Variants in RBFOX1 observed in about 807,000 individuals in gnomAD.
RBFOX1 encodes RNA binding protein fox-1 homolog 1.
RBFOX1 carries 8 observed loss-of-function variants against 57.7 expected under a neutral mutation model. That is an observed-to-expected ratio of 0.14 (90% CI 0.08 to 0.25). The LOEUF is 0.25. RBFOX1 is among the 10% of genes least tolerant of loss of function. The probability of loss-of-function intolerance (pLI) is 1.00; values close to 1 mark genes in which losing one functional copy is unlikely to be tolerated. For missense variants in RBFOX1, 611 were observed against 548.5 expected (o/e 1.11, Z -1.14); for synonymous variants, 326 against 222.4 (o/e 1.47, Z -4.15).
At chr16:6,482,163 A>C (rs2095381368) in intron 2 of RBFOX1, among the ~76,000 whole-genome samples, 1 of 152,250 alleles carries the variant, frequency 6.6e-6, no homozygotes, top group East Asian at 1.9e-4. Context: ...CAAGAAGGAC[A>C]CAGGCAGGAA....
At chr16:5,669,269 C>T (rs1220640686) in intron 3 of RBFOX1, among the ~76,000 whole-genome samples, 1 of 152,120 alleles carries the variant, frequency 6.6e-6, no homozygotes, top group South Asian at 2.1e-4. Flanking sequence ...TGGCCACCCT[C>T]AGCTCCAAAC....
chr16:6,942,696 C>A (rs2078762026), intron 3 of RBFOX1, among the ~76,000 whole-genome samples: 1 of 152,154 alleles, frequency 6.6e-6, no homozygotes, highest in African/African-American at 2.4e-5. Context: ...GAACTTGACA[C>A]TGGGGCATCT....
chr16:6,593,051 G>T (rs1376921598), intron 2 of RBFOX1, among the ~76,000 whole-genome samples: 1 of 152,190 alleles, frequency 6.6e-6, no homozygotes, highest in East Asian at 1.9e-4. Context: ...AGTTAGCTGG[G>T]TGTGGTGGCA....
At chr16:6,949,571 C>T (rs2080265815) in intron 3 of RBFOX1, among the ~76,000 whole-genome samples, 2 of 100,570 alleles carry the variant, frequency 2.0e-5, no homozygotes, top group South Asian at 7.2e-4. Context: ...GGTGTGTCCT[C>T]ACTTGGCCTT....
At chr16:5,424,940 TC>T (rs1342577089) in intron 1 of RBFOX1, among the ~76,000 whole-genome samples, 10,036 of 85,994 alleles carry the variant, frequency 0.12, 1,099 homozygotes, top group East Asian at 0.14. Flanking sequence ...TCTTTCTCTC[TC>T]TTCTTTCTTC....
chr16:5,611,257 G>A (rs1020739205), intron 3 of RBFOX1: 4 of 152,208 alleles, frequency 2.6e-5, no homozygotes, highest in African/African-American at 9.7e-5. Flanking sequence ...GTTTGGCAGT[G>A]GGTTTCATGG....
chr16:6,893,555 C>T (rs536241607), intron 3 of RBFOX1, among the ~76,000 whole-genome samples: 12 of 152,234 alleles, frequency 7.9e-5, no homozygotes, highest in African/African-American at 2.2e-4. Context: ...AAACCAAGTC[C>T]ATGAGCCCCA....
At chr16:7,643,793 A>G (rs907940817) in intron 11 of RBFOX1, among the ~76,000 whole-genome samples, 4 of 152,076 alleles carry the variant, frequency 2.6e-5, no homozygotes, top group Admixed American at 1.3e-4. Flanking sequence ...AATTAGCAGA[A>G]AAGGAACAGG....
intron 1 of RBFOX1, among the ~76,000 whole-genome samples, chr16:6,023,024 T>G (rs1355055359): frequency 1.3e-5 from 2 of 151,756 alleles, no homozygotes; most frequent in African/African-American, 2.4e-5. Context: ...AAGCAGAGAG[T>G]AGAAGGTTGT....
At chr16:6,788,907 T>A in intron 3 of RBFOX1, among the ~76,000 whole-genome samples, 1 of 152,286 alleles carries the variant, frequency 6.6e-6, no homozygotes, top group Admixed American at 6.5e-5. Context: ...CTCTAAGAAC[T>A]CAGCGTCCCC....
At chr16:7,534,533 A>AT (rs1340069264) in intron 5 of RBFOX1, among the ~76,000 whole-genome samples, 3 of 152,110 alleles carry the variant, frequency 2.0e-5, no homozygotes, top group Non-Finnish European at 4.4e-5. Flanking sequence ...AGAATAACTG[A>AT]TCCCAGGAAG....
At chr16:7,298,901 G>A (rs1479807792) in intron 4 of RBFOX1, among the ~76,000 whole-genome samples, 1 of 152,148 alleles carries the variant, frequency 6.6e-6, no homozygotes, top group Non-Finnish European at 1.5e-5. Flanking sequence ...GGTCTCTCAG[G>A]TGGCAGAGAA....
intron 4 of RBFOX1, among the ~76,000 whole-genome samples, chr16:7,229,280 C>T (rs559352105): frequency 3.3e-4 from 50 of 152,290 alleles, no homozygotes; most frequent in Non-Finnish European, 6.3e-4. Flanking sequence ...ACTTTTTCCT[C>T]CTAAGTTGAG....
intron 4 of RBFOX1, among the ~76,000 whole-genome samples, chr16:6,007,902 G>C (rs1567249714): frequency 6.6e-6 from 1 of 152,130 alleles, no homozygotes; most frequent in Non-Finnish European, 1.5e-5. Context: ...ACGCAGTGGA[G>C]AGGAGTATCA....
chr16:7,433,237 C>G lies in RBFOX1; in HGVS notation c.28-84910C>G, dbSNP rs111268831. On this transcript the variant is annotated intron_variant, in intron 4 of 15. Coordinates refer to ENST00000550418, the MANE Select transcript of RBFOX1 (RefSeq NM_018723.4). ...ATGCAAAAAGGTTTTCTTGCCTCTT[C>G]TAGTAAAAACACATAGTGGGCAGAG... Among the ~76,000 whole-genome samples the G allele has an allele frequency of 1.1e-3, 169 of 152,272 alleles. 1 individual carries two copies. Among genetic ancestry groups the G allele is most frequent in the African/African-American group, 3.8e-3 (160 of 41,560 alleles).
intron 2 of RBFOX1, among the ~76,000 whole-genome samples, chr16:5,501,010 C>T (rs2043175000): frequency 6.6e-6 from 1 of 152,022 alleles, no homozygotes; most frequent in South Asian, 2.1e-4. Context: ...TTCAACATTC[C>T]ATGAGCCTGA....
chr16:5,361,453 ACT>A (rs1478510978), intron 1 of RBFOX1, among the ~76,000 whole-genome samples: 4 of 152,158 alleles, frequency 2.6e-5, no homozygotes, highest in African/African-American at 9.7e-5. Flanking sequence ...TGTAAAAGAA[ACT>A]CTCAGTGACT....
At chr16:7,237,135 C>G (rs181104235) in intron 4 of RBFOX1, among the ~76,000 whole-genome samples, 4 of 152,168 alleles carry the variant, frequency 2.6e-5, no homozygotes, top group Non-Finnish European at 5.9e-5. Context: ...AATACAGCCG[C>G]CAACCCAAAT....
At chr16:6,451,843 T>C (rs375180065) in intron 2 of RBFOX1, among the ~76,000 whole-genome samples, 1 of 151,388 alleles carries the variant, frequency 6.6e-6, no homozygotes, top group Admixed American at 6.6e-5. Flanking sequence ...GCTCTTTCCT[T>C]CCATGGTTCC....
Sources: gnomAD v4.1 joint callset for allele counts (sites outside exome capture counted in the v4.1 genomes callset) on GRCh38, gnomAD v4.1.1 for gene constraint, MANE v1.5 for transcripts, NCBI Gene and HGNC (gene_info 2026-07-23, HGNC 2026-07-21) for gene names.